HSPE1: variants seen among roughly 807,000 people sequenced by gnomAD.
HSPE1 encodes heat shock protein family E (Hsp10) member 1, also known as 10 kDa heat shock protein, mitochondrial.
In HSPE1, 1 loss-of-function variant was observed where a neutral mutation model predicts 13.2. The observed-to-expected ratio is 0.08, with a 90% CI of 0.03 to 0.36. HSPE1 has a LOEUF of 0.36. Among genes scored for constraint, HSPE1 ranks in the 10% least tolerant of loss-of-function variants. The probability of loss-of-function intolerance (pLI) is 0.99; values close to 1 mark genes in which losing one functional copy is unlikely to be tolerated. For synonymous variants in HSPE1, 44 were observed against 42.0 expected (o/e 1.05, Z -0.19); for missense variants, 73 against 118.7 (o/e 0.62, Z 1.79).
At chr2:197,501,266 T>A in intron 2 of HSPE1, 28 bp downstream of exon 2, 1 of 1,584,272 alleles carries the variant, frequency 6.3e-7, no homozygotes, top group Non-Finnish European at 8.6e-7. Flanking sequence ...TGGAACTATT[T>A]TTTATAGTGT....
chr2:197,501,121 G>A lies in HSPE1; in HGVS notation c.51G>A (p.Leu17=). 1 of 1,614,068 alleles carries A rather than the reference G, an allele frequency of 6.2e-7. No homozygotes were observed. Among genetic ancestry groups the A allele is most frequent in the South Asian group, 1.1e-5 (1 of 91,076 alleles). Residue 17 remains leucine, a synonymous_variant, in exon 2 of 4, where the codon TTG becomes TTA. Coordinates refer to ENST00000233893, the MANE Select transcript of HSPE1 (RefSeq NM_002157.3). ...TTCTTCCACTCTTTGACCGAGTATTGGTTGAAAGGAGTGCTGCTGAAACTG... is the reference window on the plus strand; with the variant it reads ...TTCTTCCACTCTTTGACCGAGTATTAGTTGAAAGGAGTGCTGCTGAAACTG... ...RKFLPLFDRV[L]VERSAAETVT...
intron 2 of HSPE1, among the ~76,000 whole-genome samples, chr2:197,501,760 T>G (rs1051573039): frequency 7.9e-6 from 1 of 126,158 alleles, no homozygotes; most frequent in African/African-American, 3.1e-5. Flanking sequence ...AGGGCGAGAT[T>G]CTGTCTCAAA....
chr2:197,500,497 A>C, intron 1 of HSPE1, 58 bp downstream of exon 1: 1 of 1,520,666 alleles, frequency 6.6e-7, no homozygotes, highest in Non-Finnish European at 9.0e-7. Context: ...GCGTACGGGG[A>C]TCCCTGACGC....
rs536045223 is a variant in HSPE1, at chr2:197,503,326, G to T, written c.*67G>T. 4.8e-5 allele frequency: 47 copies of T among 971,436 alleles called. No individual in the cohort carries two copies. The African/African-American group carries it at 7.5e-4, about 16-fold the overall frequency. The allele number at this position is 971,436 out of a possible 1,614,324, so 60.2% of individuals were successfully genotyped here. Reference sequence around the variant, plus strand: ...TTCCACTGAAGTTCTGAAATCTTTCGTCATGTAAATAATTTCCATATTTCT... The same window carrying T: ...TTCCACTGAAGTTCTGAAATCTTTCTTCATGTAAATAATTTCCATATTTCT... On this transcript the variant is annotated 3_prime_UTR_variant, in exon 4 of 4. Coordinates refer to ENST00000233893, the MANE Select transcript of HSPE1 (RefSeq NM_002157.3).
intron 1 of HSPE1, chr2:197,500,715 G>GTA (rs2086241053): frequency 1.7e-6 from 1 of 597,780 alleles, no homozygotes; most frequent in South Asian, 2.0e-5. Flanking sequence ...TTGTGGATGT[G>GTA]TAATATCTTG....
chr2:197,501,249 G>T lies in HSPE1; in HGVS notation c.168+11G>T. The T allele has an allele frequency of 1.2e-6, 2 of 1,601,526 alleles. No individual in the cohort carries two copies. Among genetic ancestry groups the T allele is most frequent in the Admixed American group, 1.7e-5 (1 of 57,806 alleles). ...GGTTCTAAAGGAAAGGTAAATGGGA[G>T]CTGCAGTGGAACTATTTTTTATAGT... On this transcript the variant is annotated intron_variant, in intron 2 of 3. Transcript: ENST00000233893.
At chr2:197,500,605 C>T in intron 1 of HSPE1, 166 bp downstream of exon 1, 3 of 1,044,198 alleles carry the variant, frequency 2.9e-6, no homozygotes, top group African/African-American at 3.2e-5. Context: ...ACCCTTTTCT[C>T]CCCCAGGGCT....
At chr2:197,500,596 C>G in intron 1 of HSPE1, 157 bp downstream of exon 1, 1 of 1,119,294 alleles carries the variant, frequency 8.9e-7, no homozygotes, top group East Asian at 2.6e-5. Flanking sequence ...GCCCGCCCGA[C>G]CCTTTTCTCC....
Position 197,503,352 on chromosome 2 carries a change from CT to C in HSPE1, c.*97del. On this transcript the variant is annotated 3_prime_UTR_variant, in exon 4 of 4. Coordinates refer to ENST00000233893, the MANE Select transcript of HSPE1 (RefSeq NM_002157.3). Reference sequence around the variant, plus strand: ...TCATGTAAATAATTTCCATATTTCTCTTTTATAATAAACTAATGATAACTAA... The same window carrying C: ...TCATGTAAATAATTTCCATATTTCTCTTTATAATAAACTAATGATAACTAA... The C allele has an allele frequency of 2.4e-6, 2 of 834,100 alleles. No homozygotes were observed. Among genetic ancestry groups the C allele is most frequent in the Non-Finnish European group, 3.9e-6 (2 of 517,654 alleles). 51.7% of individuals were successfully genotyped at this position (834,100 alleles called of 1,614,324 possible).
intron 2 of HSPE1, chr2:197,501,675 A>T (rs1483692216): frequency 1.3e-5 from 2 of 152,588 alleles, no homozygotes; most frequent in Admixed American, 1.3e-4. Context: ...AGGCAGGAGA[A>T]TCATTTGAAC....
At chr2:197,501,006 C>A in intron 1 of HSPE1, 68 bp from the exon 2 acceptor site, 1 of 1,568,186 alleles carries the variant, frequency 6.4e-7, no homozygotes, top group Non-Finnish European at 8.7e-7. Flanking sequence ...ATGTATAGCA[C>A]GGTGGCGTTG....
At position 197,500,385 on chromosome 2, in the gene HSPE1, C is replaced by G; in HGVS notation, c.-52C>G. On this transcript the variant is annotated 5_prime_UTR_variant, in exon 1 of 4. Coordinates refer to ENST00000233893, the MANE Select transcript of HSPE1 (RefSeq NM_002157.3). ...GTGTCGCCAGGGCCGGACTGCGAGT[C>G]TCTTTGCGGCGCTACACTAGAGCAG... The G allele has an allele frequency of 3.2e-6, 5 of 1,586,914 alleles. No individual in the cohort carries two copies. Among genetic ancestry groups the G allele is most frequent in the Non-Finnish European group, 4.3e-6 (5 of 1,167,460 alleles).
In HSPE1 at chr2:197,500,782, G is replaced by C. The variant is rs1574607860; in HGVS notation, c.4-292G>C. On this transcript the variant is annotated intron_variant, in intron 1 of 3. Transcript: ENST00000233893. ...GACCCAGCGTTTCCTGAAAATTTCT[G>C]GAAAAACCTGAAGAAGGAAAACATT... 7 of 576,258 alleles carry C rather than the reference G, an allele frequency of 1.2e-5. No homozygotes were observed. The East Asian group carries it at 2.0e-4, about 17-fold the overall frequency. The allele number at this position is 576,258 out of a possible 1,614,324, so 35.7% of individuals were successfully genotyped here. A position where few individuals can be genotyped will look rare whatever the true frequency, so the allele number is the denominator to read the frequency against.
In HSPE1 at chr2:197,501,767, C is replaced by CAAA. The variant is rs11371120; in HGVS notation, c.168+545_168+547dup. Among the ~76,000 whole-genome samples, 400 of 128,318 alleles carry CAAA rather than the reference C, an allele frequency of 3.1e-3. 3 individuals carry two copies. Among genetic ancestry groups the CAAA allele is most frequent in the South Asian group, 7.3e-3 (28 of 3,816 alleles). The allele number at this position is 128,318 out of a possible 152,430, so 84.2% of individuals were successfully genotyped here. Reference sequence around the variant, plus strand: ...TGGGGGACAGGGCGAGATTCTGTCTCAAAAAAAAAAAAAAAAAATCCCCTC... The same window carrying CAAA: ...TGGGGGACAGGGCGAGATTCTGTCTCAAAAAAAAAAAAAAAAAAAAATCCCCTC... On this transcript the variant is annotated intron_variant, in intron 2 of 3. Transcript: ENST00000233893.
At chr2:197,500,807 T>C (rs1225119384) in intron 1 of HSPE1, 3 of 584,172 alleles carry the variant, frequency 5.1e-6, no homozygotes. Context: ...AGGAAAACAT[T>C]TGACCTTGGA....
At position 197,501,132 on chromosome 2, in the gene HSPE1, GTGC is replaced by G; in HGVS notation, c.68_70del (p.Ala23del). On this transcript the variant is annotated inframe_deletion, in exon 2 of 4. Transcript: ENST00000233893. ...TTTGACCGAGTATTGGTTGAAAGGAGTGCTGCTGAAACTGTAACCAAAGGAGGC... is the reference window on the plus strand; with the variant it reads ...TTTGACCGAGTATTGGTTGAAAGGAGTGCTGAAACTGTAACCAAAGGAGGC... 1 of 1,614,148 alleles carries G rather than the reference GTGC, an allele frequency of 6.2e-7. No homozygotes were observed. The highest frequency in any genetic ancestry group is 8.5e-7 in the Non-Finnish European group (1 of 1,179,978).
intron 1 of HSPE1, 82 bp from the exon 2 acceptor site, chr2:197,500,992 T>G (rs2106085059): frequency 1.3e-3 from 1,850 of 1,453,030 alleles, no homozygotes; most frequent in Non-Finnish European, 1.6e-3. Context: ...CAAAACGTGT[T>G]GAGATGTATA....
intron 1 of HSPE1, chr2:197,500,724 TG>T: frequency 3.4e-6 from 2 of 592,420 alleles, no homozygotes; most frequent in Non-Finnish European, 6.0e-6. Context: ...TGTAATATCT[TG>T]GGTAAAAATC....
Position 197,501,224 on chromosome 2 carries a change from G to C in HSPE1, c.154G>C (p.Gly52Arg). 1 of 1,611,916 alleles carries C rather than the reference G, an allele frequency of 6.2e-7. No individual in the cohort carries two copies. The highest frequency in any genetic ancestry group is 8.5e-7 in the Non-Finnish European group (1 of 1,178,754). The part of the protein sequence containing the change: ...LQATVVAVGS[G>R]SKGKGGEIQP... Reference sequence around the variant, plus strand: ...AGCAACAGTAGTCGCTGTTGGATCGGGTTCTAAAGGAAAGGTAAATGGGAG... The same window carrying C: ...AGCAACAGTAGTCGCTGTTGGATCGCGTTCTAAAGGAAAGGTAAATGGGAG... Residue 52 changes from glycine (G) to arginine (R), a missense_variant, in exon 2 of 4, where the codon GGT becomes CGT. Gly to Arg is a moderately radical substitution (Grantham distance 125, BLOSUM62 -2). Transcript: ENST00000233893.
Sources: gnomAD v4.1 joint callset for allele counts (sites outside exome capture counted in the v4.1 genomes callset) on GRCh38, gnomAD v4.1.1 for gene constraint, MANE v1.5 for transcripts, NCBI Gene and HGNC (gene_info 2026-07-23, HGNC 2026-07-21) for gene names.